ITGA1: variants seen among roughly 807,000 people sequenced by gnomAD.
ITGA1 encodes the protein integrin alpha-1.
ITGA1 carries 85 observed loss-of-function variants against 145.9 expected under a neutral mutation model. The ratio of observed to expected loss-of-function variants is 0.58; its 90% CI spans 0.49 to 0.70. ITGA1 has a LOEUF of 0.70. Among genes scored for constraint, ITGA1 ranks in the 30% least tolerant of loss-of-function variants. The pLI is 0.00. For synonymous variants in ITGA1, 520 were observed against 495.3 expected (o/e 1.05, Z -0.66); for missense variants, 1,351 against 1,418.7 (o/e 0.95, Z 0.77).
intron 28 of ITGA1, among the ~76,000 whole-genome samples, chr5:52,951,464 A>G (rs954018682): frequency 6.6e-6 from 1 of 152,200 alleles, no homozygotes; most frequent in African/African-American, 2.4e-5. Flanking sequence ...TGATGCCCCA[A>G]ATTGCAAAGC....
chr5:52,803,246 A>G (rs113037250), intron 1 of ITGA1: 74 of 152,296 alleles, frequency 4.9e-4, no homozygotes, highest in African/African-American at 1.8e-3. Context: ...CCTATACTTT[A>G]AAACTCACAT....
chr5:52,910,421 T>C lies in ITGA1; in HGVS notation c.1857+2T>C. The C allele has an allele frequency of 6.2e-7, 1 of 1,609,196 alleles. No individual in the cohort carries two copies. Among genetic ancestry groups the C allele is most frequent in the Non-Finnish European group, 8.5e-7 (1 of 1,176,026 alleles). ...ACTATAAGGAAAGAGTATGCACAAG[T>C]AAGAATTGAAACCTACAGATTCCCA... On this transcript the variant is annotated splice_donor_variant, in intron 14 of 28. Coordinates refer to ENST00000282588, the MANE Select transcript of ITGA1 (RefSeq NM_181501.2). LOFTEE classifies it high-confidence loss of function.
intron 1 of ITGA1, among the ~76,000 whole-genome samples, chr5:52,819,870 A>T (rs1001924154): frequency 1.3e-5 from 2 of 152,146 alleles, no homozygotes; most frequent in Non-Finnish European, 2.9e-5. Context: ...ACATATGGCT[A>T]GCCAGTTTTC....
intron 1 of ITGA1, among the ~76,000 whole-genome samples, chr5:52,830,802 G>A (rs746170732): frequency 1.3e-5 from 2 of 152,110 alleles, no homozygotes; most frequent in African/African-American, 4.8e-5. Context: ...CCATCTATAC[G>A]CCAGGCAGGG....
At chr5:52,883,625 AG>A (rs1749999936) in intron 7 of ITGA1, among the ~76,000 whole-genome samples, 1 of 151,880 alleles carries the variant, frequency 6.6e-6, no homozygotes, top group South Asian at 2.1e-4. Flanking sequence ...CCCAGTTCAA[AG>A]TTTTGTGTGT....
intron 1 of ITGA1, among the ~76,000 whole-genome samples, chr5:52,825,862 C>T (rs1002886896): frequency 2.0e-5 from 3 of 149,916 alleles, no homozygotes; most frequent in Admixed American, 6.7e-5. Context: ...AGGTTGCAGT[C>T]AGCTGAGATC....
At chr5:52,848,808 A>G (rs557604339) in intron 1 of ITGA1, among the ~76,000 whole-genome samples, 25 of 144,674 alleles carry the variant, frequency 1.7e-4, no homozygotes, top group African/African-American at 6.5e-4. Flanking sequence ...ATTCCCACCT[A>G]TGAGTGAGAA....
At chr5:52,853,340 A>G (rs1044657002) in intron 2 of ITGA1, among the ~76,000 whole-genome samples, 2 of 152,222 alleles carry the variant, frequency 1.3e-5, no homozygotes, top group Non-Finnish European at 2.9e-5. Context: ...CTATAAAAAC[A>G]GATAGATTGC....
chr5:52,888,624 G>GAC (rs1223648724), intron 8 of ITGA1, among the ~76,000 whole-genome samples: 1 of 152,208 alleles, frequency 6.6e-6, no homozygotes, highest in East Asian at 1.9e-4. Context: ...CTAAAATGTA[G>GAC]ACATTCTAGT....
At chr5:52,865,475 A>G (rs149333470) in intron 5 of ITGA1, among the ~76,000 whole-genome samples, 1 of 152,372 alleles carries the variant, frequency 6.6e-6, no homozygotes, top group East Asian at 1.9e-4. Flanking sequence ...TTCAGTAGGT[A>G]TGAATTTTAT....
In ITGA1 at chr5:52,882,039, T is replaced by A; in HGVS notation, c.773+18T>A. The A allele has an allele frequency of 3.9e-6, 6 of 1,534,852 alleles. No individual in the cohort carries two copies. The highest frequency in any genetic ancestry group is 5.3e-6 in the Non-Finnish European group (6 of 1,138,052). On this transcript the variant is annotated intron_variant, in intron 7 of 28. Coordinates refer to ENST00000282588, the MANE Select transcript of ITGA1 (RefSeq NM_181501.2). ...ACAGCAAGGTATATGGATAAAAAAA[T>A]AAACTAAAGTAAAAGACTGCAAAAA...
At chr5:52,939,494 G>T (rs771966243) in intron 24 of ITGA1, 96 bp from the exon 25 acceptor site, 1 of 773,598 alleles carries the variant, frequency 1.3e-6, no homozygotes, top group East Asian at 2.6e-5. Context: ...ATATGGCAAT[G>T]GCTGTCATTC....
intron 2 of ITGA1, among the ~76,000 whole-genome samples, chr5:52,853,430 A>G (rs1399994704): frequency 6.6e-6 from 1 of 152,170 alleles, no homozygotes; most frequent in Non-Finnish European, 1.5e-5. Flanking sequence ...TTATCTCTAG[A>G]GGTAGGCACC....
At chr5:52,830,510 A>C (rs1209298946) in intron 1 of ITGA1, among the ~76,000 whole-genome samples, 2 of 152,174 alleles carry the variant, frequency 1.3e-5, no homozygotes, top group African/African-American at 2.4e-5. Context: ...TAACTTAGTC[A>C]TTTTTAAGTT....
At chr5:52,801,388 C>T (rs1025645893) in intron 1 of ITGA1, 5 of 1,592,178 alleles carry the variant, frequency 3.1e-6, no homozygotes, top group African/African-American at 2.7e-5. Flanking sequence ...TTTTGCCTAA[C>T]TTTTGTAATT....
chr5:52,811,900 C>G (rs1312483197), intron 1 of ITGA1, among the ~76,000 whole-genome samples: 2 of 152,152 alleles, frequency 1.3e-5, no homozygotes, highest in South Asian at 2.1e-4. Context: ...CACCAATCAC[C>G]TAGGGAGTTT....
intron 6 of ITGA1, among the ~76,000 whole-genome samples, chr5:52,877,406 C>A (rs1749885188): frequency 6.6e-6 from 1 of 152,064 alleles, no homozygotes; most frequent in South Asian, 2.1e-4. Context: ...GCTCCAACAC[C>A]AGATCAAATT....
chr5:52,816,470 C>A (rs2406218), intron 1 of ITGA1, among the ~76,000 whole-genome samples: 86,473 of 151,878 alleles, frequency 0.57, 25,118 homozygotes, highest in African/African-American at 0.66. Flanking sequence ...TGAAGTCTTC[C>A]TATTGCCCCA....
intron 15 of ITGA1, among the ~76,000 whole-genome samples, chr5:52,917,165 T>C (rs969142560): frequency 5.3e-5 from 8 of 152,146 alleles, no homozygotes; most frequent in Non-Finnish European, 7.3e-5. Context: ...CCAAGAAAGA[T>C]CTGGCTGGGG....
Sources: allele counts gnomAD v4.1 joint callset (sites outside exome capture counted in the v4.1 genomes callset), GRCh38; gene constraint gnomAD v4.1.1; transcripts MANE v1.5; gene names NCBI Gene and HGNC (gene_info 2026-07-23, HGNC 2026-07-21).